The following DHRSX variants were observed in gnomAD, a reference collection of about 807,000 sequenced individuals.
DHRSX encodes polyprenol dehydrogenase.
In DHRSX, 31 loss-of-function variants were observed where a neutral mutation model predicts 34.0. That is an observed-to-expected ratio of 0.91 (90% CI 0.69 to 1.23). The LOEUF (loss-of-function observed/expected upper bound fraction) is 1.23, where lower values mean the gene tolerates loss of function less well. Ranked by LOEUF, DHRSX falls within the 50% of genes most tolerant of loss-of-function variation. DHRSX has a pLI of 0.00. For missense variants in DHRSX, 414 were observed against 428.1 expected (o/e 0.97, Z 0.29); for synonymous variants, 201 against 183.8 (o/e 1.09, Z -0.76).
chrX:2,411,683 C>T (rs71205286), intron 2 of DHRSX, among the ~76,000 whole-genome samples: 10,854 of 151,220 alleles, frequency 0.072, 487 homozygotes, highest in Non-Finnish European at 0.093. Flanking sequence ...GATGAGATTG[C>T]GCCACTGCAC....
chrX:2,266,638 G>T, intron 5 of DHRSX, 102 bp downstream of exon 5: 1 of 1,171,544 alleles, frequency 8.5e-7, no homozygotes, highest in Non-Finnish European at 1.3e-6. Flanking sequence ...GAGCACCAGC[G>T]TCCAGCAGAT....
chrX:2,387,580 G>A (rs1028184824), intron 3 of DHRSX, among the ~76,000 whole-genome samples: 10 of 151,958 alleles, frequency 6.6e-5, no homozygotes, highest in East Asian at 1.9e-4. Context: ...GTCTAGCCTC[G>A]CTGGCCTGCT....
intron 3 of DHRSX, among the ~76,000 whole-genome samples, chrX:2,350,569 A>C (rs1228145022): frequency 1.3e-5 from 2 of 152,178 alleles, no homozygotes; most frequent in Non-Finnish European, 2.9e-5. Flanking sequence ...GGTTTTCAGA[A>C]GATGAGGAGA....
chrX:2,222,038 G>A (rs73626153), intron 6 of DHRSX, among the ~76,000 whole-genome samples: 4,239 of 152,236 alleles, frequency 0.028, 215 homozygotes, highest in African/African-American at 0.096. Context: ...TCTGGTGAAC[G>A]TATCCACCAT....
intron 3 of DHRSX, among the ~76,000 whole-genome samples, chrX:2,397,996 C>T (rs763626621): frequency 1.6e-4 from 25 of 151,754 alleles, no homozygotes; most frequent in Non-Finnish European, 3.2e-4. Flanking sequence ...CACATAGATA[C>T]ATATGCCAAC....
intron 3 of DHRSX, among the ~76,000 whole-genome samples, chrX:2,397,731 G>T (rs2043429753): frequency 6.6e-6 from 1 of 152,038 alleles, no homozygotes; most frequent in African/African-American, 2.4e-5. Flanking sequence ...AATCTTTTGG[G>T]TAATTAACTT....
intron 4 of DHRSX, among the ~76,000 whole-genome samples, chrX:2,275,753 C>T (rs772796035): frequency 2.6e-5 from 4 of 151,936 alleles, no homozygotes; most frequent in African/African-American, 9.6e-5. Context: ...TGTGCCACTG[C>T]ACTCCAGCCT....
intron 2 of DHRSX, among the ~76,000 whole-genome samples, chrX:2,410,630 A>C (rs948423654): frequency 1.3e-5 from 2 of 152,220 alleles, no homozygotes; most frequent in Admixed American, 6.5e-5. Flanking sequence ...TGTATTCGGT[A>C]TTCTTTCTTC....
At position 2,471,368 on chromosome X, in the gene DHRSX, A is replaced by G. The variant is rs189958386; in HGVS notation, c.109+29449T>C. ...GATCACCTGAGGTCACGAGTTCGAG[A>G]GCAGCCTGAACAATAGGCTGAAACC... On this transcript the variant is annotated intron_variant, in intron 1 of 6. Transcript: ENST00000334651. Among the ~76,000 whole-genome samples, 355 of 152,282 alleles carry G rather than the reference A, an allele frequency of 2.3e-3. 1 individual carries two copies. Among genetic ancestry groups the G allele is most frequent in the African/African-American group, 8.3e-3 (343 of 41,562 alleles).
intron 2 of DHRSX, among the ~76,000 whole-genome samples, chrX:2,410,585 C>T (rs2043613963): frequency 6.6e-6 from 1 of 152,182 alleles, no homozygotes. Flanking sequence ...CACTCTAACA[C>T]AAGGAAGAGA....
intron 3 of DHRSX, among the ~76,000 whole-genome samples, chrX:2,322,413 G>C (rs1214014530): frequency 2.0e-5 from 3 of 151,926 alleles, no homozygotes; most frequent in Admixed American, 2.0e-4. Flanking sequence ...GCTGGGCGTG[G>C]TGGCGTGCAC....
At chrX:2,452,649 T>G (rs1018522211) in intron 1 of DHRSX, among the ~76,000 whole-genome samples, 3 of 151,402 alleles carry the variant, frequency 2.0e-5, no homozygotes, top group Non-Finnish European at 2.9e-5. Context: ...GGACTGCCAC[T>G]GTGTACGCGC....
chrX:2,305,690 G>A (rs755972804), intron 3 of DHRSX, among the ~76,000 whole-genome samples: 2 of 152,164 alleles, frequency 1.3e-5, no homozygotes, highest in Non-Finnish European at 2.9e-5. Flanking sequence ...GTGCTTTGCA[G>A]GGACACGGAT....
At chrX:2,410,743 AAGC>A (rs1310136033) in intron 2 of DHRSX, among the ~76,000 whole-genome samples, 3 of 152,194 alleles carry the variant, frequency 2.0e-5, no homozygotes, top group Non-Finnish European at 4.4e-5. Flanking sequence ...AAAAGAGGAG[AAGC>A]AGTGAAACTT....
intron 1 of DHRSX, among the ~76,000 whole-genome samples, chrX:2,457,294 G>C (rs1453847933): frequency 6.7e-6 from 1 of 149,036 alleles, no homozygotes; most frequent in Non-Finnish European, 1.5e-5. Context: ...GAATGTGGCA[G>C]CGGGATGGCC....
At chrX:2,367,779 A>C (rs1231742710) in intron 3 of DHRSX, among the ~76,000 whole-genome samples, 1 of 152,216 alleles carries the variant, frequency 6.6e-6, no homozygotes, top group African/African-American at 2.4e-5. Flanking sequence ...ATTTGATACA[A>C]CTGGATGGTG....
intron 3 of DHRSX, among the ~76,000 whole-genome samples, chrX:2,334,052 A>G (rs1183110544): frequency 6.6e-6 from 1 of 152,170 alleles, no homozygotes; most frequent in Non-Finnish European, 1.5e-5. Context: ...TAATGCTGCA[A>G]TGAACATTCA....
At chrX:2,339,941 C>T (rs1250085698) in intron 3 of DHRSX, among the ~76,000 whole-genome samples, 1 of 152,140 alleles carries the variant, frequency 6.6e-6, no homozygotes, top group African/African-American at 2.4e-5. Flanking sequence ...GAGGAATCCC[C>T]ACACTGTCTT....
At chrX:2,316,738 G>C (rs138054321) in intron 3 of DHRSX, among the ~76,000 whole-genome samples, 9,647 of 152,174 alleles carry the variant, frequency 0.063, 922 homozygotes, top group African/African-American at 0.2. Context: ...TAAGCATGTG[G>C]AGTTATTTAT....
Sources: allele counts gnomAD v4.1 joint callset (sites outside exome capture counted in the v4.1 genomes callset), GRCh38; gene constraint gnomAD v4.1.1; transcripts MANE v1.5; gene names NCBI Gene and HGNC (gene_info 2026-07-23, HGNC 2026-07-21).